The following MGAT4C variants were observed in gnomAD, a reference collection of about 807,000 sequenced individuals.
MGAT4C encodes alpha-1,3-mannosyl-glycoprotein 4-beta-N-acetylglucosaminyltransferase C.
A neutral mutation model predicts 40.1 loss-of-function variants in MGAT4C; 19 were observed. That is an observed-to-expected ratio of 0.47 (90% CI 0.33 to 0.70). The LOEUF (loss-of-function observed/expected upper bound fraction) is 0.70. MGAT4C is among the 30% of genes least tolerant of loss of function. The pLI is 0.02. For synonymous variants in MGAT4C, 181 were observed against 187.1 expected (o/e 0.97, Z 0.27); for missense variants, 491 against 563.2 (o/e 0.87, Z 1.30).
chr12:86,043,957 G>T (rs1176748249), intron 2 of MGAT4C, among the ~76,000 whole-genome samples: 1 of 152,196 alleles, frequency 6.6e-6, no homozygotes, highest in Non-Finnish European at 1.5e-5. Context: ...TTAGTTTTTT[G>T]AGTTACCAGA....
intron 3 of MGAT4C, among the ~76,000 whole-genome samples, chr12:86,360,198 T>C (rs1213836666): frequency 6.6e-6 from 1 of 152,094 alleles, no homozygotes; most frequent in Non-Finnish European, 1.5e-5. Flanking sequence ...AATCAATAAA[T>C]GTAATCCATC....
chr12:85,966,526 T>C lies in MGAT4C; in HGVS notation c.*12763A>G, dbSNP rs1883373769. ...TCTTAGTTCTTTTAGAAATACCATT[T>C]GACCCAGCCATCCCATTACTGGGTA... On this transcript the variant is annotated 3_prime_UTR_variant, in exon 5 of 5. Transcript: ENST00000611864. 6.6e-6 allele frequency: 1 copy of C among 152,218 alleles called. No individual in the cohort carries two copies. Among genetic ancestry groups the C allele is most frequent in the Admixed American group, 6.5e-5 (1 of 15,276 alleles). The allele number at this position is 152,218 out of a possible 1,614,324, so 9.4% of individuals were successfully genotyped here.
At chr12:86,489,089 C>T (rs1958079385) in intron 2 of MGAT4C, among the ~76,000 whole-genome samples, 2 of 152,134 alleles carry the variant, frequency 1.3e-5, no homozygotes, top group Non-Finnish European at 2.9e-5. Flanking sequence ...ACAGCCTGCC[C>T]TGTGCCTATC....
chr12:86,611,382 C>A (rs1047829334), intron 2 of MGAT4C, among the ~76,000 whole-genome samples: 1 of 144,328 alleles, frequency 6.9e-6, no homozygotes, highest in Non-Finnish European at 1.5e-5. Flanking sequence ...GATAGAGGTC[C>A]CATAGATAGG....
intron 1 of MGAT4C, among the ~76,000 whole-genome samples, chr12:86,815,676 C>T (rs1952588314): frequency 6.6e-6 from 1 of 151,126 alleles, no homozygotes; most frequent in African/African-American, 2.4e-5. Context: ...TACTATGCAG[C>T]CATAAAAAGG....
intron 1 of MGAT4C, among the ~76,000 whole-genome samples, chr12:86,192,340 T>C (rs371985662): frequency 1.2e-4 from 18 of 152,078 alleles, no homozygotes; most frequent in Admixed American, 1.1e-3. Context: ...GAGTGGGACA[T>C]ATTTTGATCA....
chr12:86,309,864 C>A (rs1041501072), intron 4 of MGAT4C, among the ~76,000 whole-genome samples: 10 of 151,858 alleles, frequency 6.6e-5, no homozygotes, highest in Admixed American at 6.6e-4. Flanking sequence ...ATCTCGAGTC[C>A]AAAATTTTAA....
chr12:86,510,375 A>G (rs1374525511), intron 2 of MGAT4C, among the ~76,000 whole-genome samples: 1 of 152,198 alleles, frequency 6.6e-6, no homozygotes, highest in East Asian at 1.9e-4. Flanking sequence ...GGTACTAGCC[A>G]CTGCAAAAAA....
intron 2 of MGAT4C, among the ~76,000 whole-genome samples, chr12:86,517,314 T>C (rs1036210754): frequency 2.6e-5 from 4 of 152,154 alleles, no homozygotes; most frequent in Admixed American, 6.5e-5. Flanking sequence ...AATGAACATA[T>C]ACACTTAGTT....
chr12:86,466,114 C>T (rs559371143), intron 2 of MGAT4C, among the ~76,000 whole-genome samples: 1 of 151,976 alleles, frequency 6.6e-6, no homozygotes, highest in Non-Finnish European at 1.5e-5. Context: ...GAAGCTGAGG[C>T]AGGAGAATCG....
chr12:86,295,790 G>T (rs1021805012), intron 4 of MGAT4C, among the ~76,000 whole-genome samples: 3 of 152,046 alleles, frequency 2.0e-5, no homozygotes, highest in Non-Finnish European at 2.9e-5. Context: ...GTTCTCCAAG[G>T]CCCCACGAGA....
intron 2 of MGAT4C, among the ~76,000 whole-genome samples, chr12:86,533,697 A>C (rs1462861503): frequency 1.3e-5 from 2 of 151,600 alleles, no homozygotes; most frequent in East Asian, 3.9e-4. Flanking sequence ...TTATATATCT[A>C]TATATATAAA....
At chr12:86,222,552 A>T (rs1008335131) in intron 1 of MGAT4C, among the ~76,000 whole-genome samples, 1 of 152,204 alleles carries the variant, frequency 6.6e-6, no homozygotes, top group Non-Finnish European at 1.5e-5. Context: ...TTTGAATAAC[A>T]TGTTTGAGTT....
chr12:86,701,944 A>T (rs1950370917), intron 2 of MGAT4C, among the ~76,000 whole-genome samples: 1 of 152,166 alleles, frequency 6.6e-6, no homozygotes, highest in South Asian at 2.1e-4. Context: ...TTGAAAGTGG[A>T]ATCAGCAAGT....
chr12:86,644,367 T>C (rs1387447611), intron 2 of MGAT4C, among the ~76,000 whole-genome samples: 1 of 151,642 alleles, frequency 6.6e-6, no homozygotes, highest in Non-Finnish European at 1.5e-5. Flanking sequence ...CATTTATCCT[T>C]AGCAAGTTAA....
chr12:86,536,098 C>A (rs1260503136), intron 2 of MGAT4C, among the ~76,000 whole-genome samples: 1 of 151,844 alleles, frequency 6.6e-6, no homozygotes, highest in Non-Finnish European at 1.5e-5. Context: ...TTTAAAGAAC[C>A]ATCCATGTTA....
intron 1 of MGAT4C, among the ~76,000 whole-genome samples, chr12:86,182,243 AT>A: frequency 6.6e-6 from 1 of 151,996 alleles, no homozygotes; most frequent in African/African-American, 2.4e-5. Flanking sequence ...AATCATTCTC[AT>A]TTTTTCTCTT....
Position 86,117,003 on chromosome 12 carries a change from G to A in MGAT4C, c.-56-67280C>T, listed in dbSNP as rs566736387. Reference sequence around the variant, plus strand: ...TTTATTTGTTGGAATAATATTAATGGTAAATTATTTATTGAGGGTTCTGAG... The same window carrying A: ...TTTATTTGTTGGAATAATATTAATGATAAATTATTTATTGAGGGTTCTGAG... On this transcript the variant is annotated intron_variant, in intron 1 of 4. Coordinates refer to ENST00000611864, the MANE Select transcript of MGAT4C (RefSeq NM_001351288.2). Among the ~76,000 whole-genome samples, 22 of 152,078 alleles carry A rather than the reference G, an allele frequency of 1.4e-4. 1 individual carries two copies. The South Asian group carries it at 4.6e-3, about 32-fold the overall frequency.
chr12:86,547,859 T>C (rs1020974909), intron 2 of MGAT4C, among the ~76,000 whole-genome samples: 4 of 152,134 alleles, frequency 2.6e-5, no homozygotes, highest in African/African-American at 9.6e-5. Context: ...TCAGAAGACA[T>C]GAATTCACTT....
Sources: allele counts gnomAD v4.1 joint callset (sites outside exome capture counted in the v4.1 genomes callset), GRCh38; gene constraint gnomAD v4.1.1; transcripts MANE v1.5; gene names NCBI Gene and HGNC (gene_info 2026-07-23, HGNC 2026-07-21).